PRDM5: variants seen among roughly 807,000 people sequenced by gnomAD.
PRDM5 encodes the protein PR domain zinc finger protein 5.
A neutral mutation model predicts 81.2 loss-of-function variants in PRDM5; 56 were observed. That is an observed-to-expected ratio of 0.69 (90% CI 0.56 to 0.86). The LOEUF (loss-of-function observed/expected upper bound fraction) is 0.86. Ranked by LOEUF, PRDM5 falls within the 40% of genes least tolerant of loss-of-function variation. The pLI is 0.00. For missense variants in PRDM5, 697 were observed against 770.1 expected, an observed-to-expected ratio of 0.91 and a Z score of 1.12; for synonymous variants, 267 against 256.4, an observed-to-expected ratio of 1.04 and a Z score of -0.39.
intron 5 of PRDM5, 32 bp from the exon 6 acceptor site, chr4:120,816,956 G>A (rs775974256): frequency 1.2e-5 from 19 of 1,553,524 alleles, no homozygotes; most frequent in Admixed American, 6.7e-5. Flanking sequence ...AGAAAGAAAA[G>A]AAAACAAAAA....
chr4:120,861,947 T>C (rs1485391166), intron 2 of PRDM5, among the ~76,000 whole-genome samples: 6 of 152,226 alleles, frequency 3.9e-5, no homozygotes, highest in African/African-American at 1.4e-4. Flanking sequence ...CCTTTGATCT[T>C]GATCTCCTAA....
At chr4:120,865,344 T>A (rs1309205907) in intron 2 of PRDM5, among the ~76,000 whole-genome samples, 1 of 152,102 alleles carries the variant, frequency 6.6e-6, no homozygotes, top group Admixed American at 6.5e-5. Context: ...TTAAGAAGAG[T>A]AGGGACAGAC....
chr4:120,858,286 TAAAG>T (rs1760111577), intron 2 of PRDM5, among the ~76,000 whole-genome samples: 1 of 152,206 alleles, frequency 6.6e-6, no homozygotes, highest in Non-Finnish European at 1.5e-5. Flanking sequence ...TGTTTTTAAC[TAAAG>T]TAAGGCCATA....
At chr4:120,890,066 C>A (rs1400802138) in intron 2 of PRDM5, among the ~76,000 whole-genome samples, 1 of 152,132 alleles carries the variant, frequency 6.6e-6, no homozygotes, top group Non-Finnish European at 1.5e-5. Flanking sequence ...CATTCTCACA[C>A]TGCAATACAG....
intron 15 of PRDM5, among the ~76,000 whole-genome samples, chr4:120,705,220 G>A (rs1348033039): frequency 6.6e-6 from 1 of 152,088 alleles, no homozygotes; most frequent in Non-Finnish European, 1.5e-5. Flanking sequence ...TCAAAATATT[G>A]AATGCTTCCC....
At chr4:120,895,005 A>C (rs535325034) in intron 2 of PRDM5, among the ~76,000 whole-genome samples, 1 of 152,328 alleles carries the variant, frequency 6.6e-6, no homozygotes, top group East Asian at 1.9e-4. Flanking sequence ...TCCTGACTTA[A>C]TTCCATTTTG....
Position 120,772,969 on chromosome 4 carries a change from T to C in PRDM5, c.1537+4219A>G, listed in dbSNP as rs72921530. ...TTCACAGCCACAAAATCATGGTACA[T>C]ATAAATGGCAGTTTCACTTGAGAAC... On this transcript the variant is annotated intron_variant, in intron 13 of 15. Transcript: ENST00000264808. Among the ~76,000 whole-genome samples the C allele has an allele frequency of 4.2e-3, 645 of 152,334 alleles. 2 individuals carry two copies. Among genetic ancestry groups the C allele is most frequent in the African/African-American group, 0.015 (605 of 41,580 alleles).
rs562899978 is a variant in PRDM5, at chr4:120,748,931, G to A, written c.1623+5622C>T. Among the ~76,000 whole-genome samples, 12 of 152,192 alleles carry A rather than the reference G, an allele frequency of 7.9e-5. No homozygotes were observed. In the East Asian group the frequency reaches 1.2e-3, roughly 15 times the overall value. On this transcript the variant is annotated intron_variant, in intron 14 of 15. Transcript: ENST00000264808. ...AATAGGGGTGCTTCCCTGACTGAAT[G>A]GGGGAGCTAACTGGACATGGAATAT...
downstream of PRDM5, among the ~76,000 whole-genome samples, chr4:120,687,646 C>A (rs891031001): frequency 6.6e-6 from 1 of 152,088 alleles, no homozygotes; most frequent in African/African-American, 2.4e-5. Context: ...CGGTTTGAAT[C>A]TTTGTCCCCT....
intron 3 of PRDM5, chr4:120,839,018 A>G: frequency 1.8e-6 from 1 of 557,522 alleles, no homozygotes; most frequent in Non-Finnish European, 3.2e-6. Context: ...TGGGACAGGC[A>G]CACCGCAAGT....
At chr4:120,757,468 T>A (rs1744919787) in intron 13 of PRDM5, among the ~76,000 whole-genome samples, 1 of 152,226 alleles carries the variant, frequency 6.6e-6, no homozygotes, top group Non-Finnish European at 1.5e-5. Context: ...TAGTAATAGC[T>A]GGTTAATTTT....
intron 2 of PRDM5, among the ~76,000 whole-genome samples, chr4:120,859,828 G>C (rs567751889): frequency 6.6e-6 from 1 of 151,890 alleles, no homozygotes; most frequent in African/African-American, 2.4e-5. Flanking sequence ...CCCTCTCTAC[G>C]TTTCTCTTCC....
intron 14 of PRDM5, among the ~76,000 whole-genome samples, chr4:120,739,539 C>T (rs1741604247): frequency 1.3e-5 from 2 of 152,176 alleles, no homozygotes; most frequent in South Asian, 4.1e-4. Flanking sequence ...CAATCCCTCA[C>T]ATCAATGTAA....
Position 120,754,636 on chromosome 4 carries a change from C to A in PRDM5, c.1540G>T (p.Glu514Ter). ...LRVHIRSHTG[E>*]RPYQCPYCEK... ...CAGTAAGGACATTGATAGGGACGCT[C>A]ACCTACAAATAAAGGAAGCCTCCAT... Residue 514 changes from glutamate (E) to a stop codon, truncating the protein, a stop_gained and splice_region_variant, in exon 14 of 16, where the codon GAG (glutamate) becomes TAG (stop). Transcript: ENST00000264808. LOFTEE classifies it high-confidence loss of function. 1 of 1,589,484 alleles carries A rather than the reference C, an allele frequency of 6.3e-7. No individual in the cohort carries two copies.
chr4:120,831,671 GA>G (rs908370934), intron 3 of PRDM5, among the ~76,000 whole-genome samples: 1 of 144,974 alleles, frequency 6.9e-6, no homozygotes, highest in East Asian at 2.0e-4. Context: ...TGCTTTGCAA[GA>G]GTCTACTTAT....
chr4:120,721,568 C>T (rs977260326), intron 14 of PRDM5, among the ~76,000 whole-genome samples: 4 of 152,182 alleles, frequency 2.6e-5, no homozygotes, highest in African/African-American at 9.7e-5. Context: ...TGCCTATGTT[C>T]ACAAACTGCC....
Position 120,816,506 on chromosome 4 carries a change from T to C in PRDM5, c.812A>G (p.Lys271Arg), listed in dbSNP as rs144553125. 4.8e-5 allele frequency: 78 copies of C among 1,614,200 alleles called. No individual in the cohort carries two copies. In the African/African-American group the frequency reaches 9.7e-4, roughly 20 times the overall value. ...CAGGGCATCCTTGCTCTTCAGCCTCTTTCCACAGCTGTCAGCCTTGCACAC... is the reference window on the plus strand; with the variant it reads ...CAGGGCATCCTTGCTCTTCAGCCTCCTTCCACAGCTGTCAGCCTTGCACAC... The part of the protein sequence containing the change: ...RFVCKADSCG[K>R]RLKSKDALKR... Residue 271 changes from lysine (K) to arginine (R), a missense_variant, in exon 7 of 16, where the codon AAG becomes AGG. Around this residue, in one of 3 missense-constraint regions of PRDM5, gnomAD observed 577 missense variants for 606.7 expected, o/e 0.95. Coordinates refer to ENST00000264808, the MANE Select transcript of PRDM5 (RefSeq NM_018699.4).
intron 14 of PRDM5, among the ~76,000 whole-genome samples, chr4:120,741,197 C>G (rs1452134525): frequency 6.6e-6 from 1 of 152,144 alleles, no homozygotes; most frequent in Admixed American, 6.5e-5. Flanking sequence ...CCTTTCTGTT[C>G]TCAACCAACG....
chr4:120,890,153 T>C (rs2148620280), intron 2 of PRDM5, among the ~76,000 whole-genome samples: 2 of 152,310 alleles, frequency 1.3e-5, no homozygotes, highest in Non-Finnish European at 1.5e-5. Flanking sequence ...ACAGAAAGCA[T>C]GGTGCTGGCA....
Sources: allele counts gnomAD v4.1 joint callset (sites outside exome capture counted in the v4.1 genomes callset), GRCh38; gene constraint gnomAD v4.1.1; regional missense constraint gnomAD v4.1.1; transcripts MANE v1.5; gene names NCBI Gene and HGNC (gene_info 2026-07-23, HGNC 2026-07-21).